Variants in BTG4 observed in about 807,000 individuals in gnomAD.
The protein encoded by BTG4 is protein BTG4.
In BTG4, 10 loss-of-function variants were observed where a neutral mutation model predicts 19.3. The observed-to-expected ratio is 0.52, with a 90% confidence interval of 0.32 to 0.88. BTG4 has a LOEUF of 0.88. BTG4 is among the 40% of genes least tolerant of loss of function. The pLI is 0.04. For missense variants in BTG4, 238 were observed against 281.9 expected (o/e 0.84, Z 1.11); for synonymous variants, 91 against 95.7 (o/e 0.95, Z 0.29).
At chr11:111,449,092 G>C in the BTG4 span, among the ~76,000 whole-genome samples, 1 of 152,106 alleles carries the variant, frequency 6.6e-6, no homozygotes, top group African/African-American at 2.4e-5. Context: ...TTCCTTTGCT[G>C]AATGTCTCAA....
At chr11:111,514,515 TA>T, upstream of BTG4, 1 of 464,806 alleles carries the variant, frequency 2.2e-6, no homozygotes, top group Non-Finnish European at 3.9e-6. Context: ...TATAAGAAGC[TA>T]AACTACTCCC....
chr11:111,395,337 A>G, the BTG4 span, among the ~76,000 whole-genome samples: 1 of 152,198 alleles, frequency 6.6e-6, no homozygotes, highest in Non-Finnish European at 1.5e-5. Flanking sequence ...CACTCACACT[A>G]GCCCATTGTT....
intron 5 of BTG4, among the ~76,000 whole-genome samples, chr11:111,482,605 G>A (rs953018137): frequency 3.9e-5 from 6 of 152,050 alleles, no homozygotes; most frequent in African/African-American, 1.2e-4. Context: ...AAACACACAG[G>A]CCAAGAACAC....
At chr11:111,442,500 A>G in the BTG4 span, among the ~76,000 whole-genome samples, 1 of 125,144 alleles carries the variant, frequency 8.0e-6, no homozygotes, top group Non-Finnish European at 1.7e-5. Flanking sequence ...GATTGTTTCA[A>G]AAAAAATGTA....
chr11:111,464,779 G>A (rs988362453), downstream of BTG4: 2 of 152,218 alleles, frequency 1.3e-5, no homozygotes, highest in Non-Finnish European at 2.9e-5. Flanking sequence ...ATCCTGCCTT[G>A]CCAAACATCT....
chr11:111,442,698 T>C, the BTG4 span, among the ~76,000 whole-genome samples: 1 of 56,696 alleles, frequency 1.8e-5, no homozygotes, highest in Admixed American at 2.8e-4. Flanking sequence ...TGGATCATTT[T>C]GAAAGACAGG....
At chr11:111,475,131 C>T (rs983741077) in intron 5 of BTG4, 4 of 152,464 alleles carry the variant, frequency 2.6e-5, no homozygotes, top group Admixed American at 1.3e-4. Flanking sequence ...TCATTTCAGT[C>T]TGCATTATTA....
the BTG4 span, chr11:111,385,672 T>C: frequency 1.3e-5 from 2 of 152,134 alleles, no homozygotes; most frequent in African/African-American, 4.8e-5. Flanking sequence ...TGATAAACTT[T>C]AGGAGAAAAA....
downstream of BTG4, among the ~76,000 whole-genome samples, chr11:111,464,084 C>T (rs181058113): frequency 2.3e-3 from 354 of 152,326 alleles, 3 homozygotes; most frequent in African/African-American, 7.9e-3. Context: ...GCAACCTCTG[C>T]CTCCCAGGTT....
At chr11:111,449,164 C>G in the BTG4 span, among the ~76,000 whole-genome samples, 1 of 152,092 alleles carries the variant, frequency 6.6e-6, no homozygotes, top group South Asian at 2.1e-4. Context: ...GCTGGTCTCC[C>G]CCTGACTCCT....
the BTG4 span, among the ~76,000 whole-genome samples, chr11:111,431,501 G>A: frequency 2.0e-5 from 3 of 152,146 alleles, no homozygotes; most frequent in Non-Finnish European, 2.9e-5. Flanking sequence ...CCAACCAAGA[G>A]GCCCCTCCAA....
intron 5 of BTG4, among the ~76,000 whole-genome samples, chr11:111,477,309 G>A (rs574682614): frequency 1.2e-3 from 187 of 152,066 alleles, no homozygotes; most frequent in Non-Finnish European, 1.5e-3. Flanking sequence ...TTTTAAAATC[G>A]ACATTCTAGT....
upstream of BTG4, chr11:111,513,042 G>A (rs1439169727): frequency 1.1e-5 from 5 of 458,646 alleles, no homozygotes; most frequent in South Asian, 4.7e-5. Context: ...CCGCCCGGCC[G>A]GGAAGAAGAC....
the BTG4 span, among the ~76,000 whole-genome samples, chr11:111,392,236 G>A: frequency 6.5e-5 from 9 of 138,598 alleles, no homozygotes; most frequent in Non-Finnish European, 1.1e-4. Context: ...AGAGTGCAGC[G>A]GCACGATCTC....
rs544723602 is a variant in BTG4, at chr11:111,501,368, T to C, written c.-26-2566A>G. Among the ~76,000 whole-genome samples, 75 of 151,950 alleles carry C rather than the reference T, an allele frequency of 4.9e-4. No individual in the cohort carries two copies. The South Asian group carries it at 8.9e-3, about 18-fold the overall frequency. On this transcript the variant is annotated intron_variant, in intron 1 of 4. Transcript: ENST00000692032. ...CCTGGGCAACAGAGCAAAGACCCTC[T>C]CTCAAAAAAATAAAAAAAACCTTTC...
At chr11:111,466,385 G>A (rs1863719950), downstream of BTG4, among the ~76,000 whole-genome samples, 1 of 152,148 alleles carries the variant, frequency 6.6e-6, no homozygotes, top group Non-Finnish European at 1.5e-5. Context: ...TTTAACATTT[G>A]CTGAATGCTT....
At chr11:111,465,355 C>A (rs1188170848), downstream of BTG4, among the ~76,000 whole-genome samples, 1 of 151,846 alleles carries the variant, frequency 6.6e-6, no homozygotes, top group East Asian at 1.9e-4. Flanking sequence ...TTTGCATGGC[C>A]CACAAGCTAA....
chr11:111,392,204 G>A, the BTG4 span, among the ~76,000 whole-genome samples: 1 of 132,172 alleles, frequency 7.6e-6, no homozygotes, highest in East Asian at 2.2e-4. Context: ...TTGAGACGGA[G>A]TCTTGCTCTG....
At chr11:111,410,548 G>C in the BTG4 span, among the ~76,000 whole-genome samples, 1 of 152,132 alleles carries the variant, frequency 6.6e-6, no homozygotes, top group African/African-American at 2.4e-5. Flanking sequence ...TCCATGCACG[G>C]AGAGATAGCA....
Sources: gnomAD v4.1 joint callset for allele counts (sites outside exome capture counted in the v4.1 genomes callset) on GRCh38, gnomAD v4.1.1 for gene constraint, MANE v1.5 for transcripts, NCBI Gene and HGNC (gene_info 2026-07-23, HGNC 2026-07-21) for gene names.